Variants in ZNF710 observed in about 807,000 individuals in gnomAD.
ZNF710 encodes the protein zinc finger protein 710.
In ZNF710, 13 loss-of-function variants were observed where a neutral mutation model predicts 50.6. The ratio of observed to expected loss-of-function variants is 0.26; its 90% CI spans 0.17 to 0.41. ZNF710 has a LOEUF of 0.41. ZNF710 is among the 10% of genes least tolerant of loss of function. The pLI, the probability that ZNF710 is intolerant of heterozygous loss-of-function variation, is 1.00. For missense variants in ZNF710, 721 were observed against 936.6 expected (o/e 0.77, Z 3.01); for synonymous variants, 383 against 397.0 (o/e 0.96, Z 0.42).
At chr15:90,072,977 G>C in intron 2 of ZNF710, 94 bp from the exon 3 acceptor site, 1 of 1,314,990 alleles carries the variant, frequency 7.6e-7, no homozygotes. Flanking sequence ...CCTTTGTGAT[G>C]CTATGGCCCT....
intron 1 of ZNF710, among the ~76,000 whole-genome samples, chr15:90,033,057 A>G (rs1039516921): frequency 1.3e-5 from 2 of 152,224 alleles, no homozygotes; most frequent in African/African-American, 4.8e-5. Context: ...AGTATGGGCC[A>G]TGCACCAGTG....
At chr15:90,050,569 G>C (rs935637846) in intron 1 of ZNF710, among the ~76,000 whole-genome samples, 5 of 152,212 alleles carry the variant, frequency 3.3e-5, no homozygotes, top group African/African-American at 9.6e-5. Context: ...TTTGTCTAAC[G>C]GGCTCAGTTA....
chr15:90,034,635 A>AC lies in ZNF710; in HGVS notation c.-28-32472dup, dbSNP rs1299675032. ...CTGAGCCTCCTCCGGCCTCTGCCTC[A>AC]CCCGCCAGCTCTTCTCACCCCTTCT... On this transcript the variant is annotated intron_variant, in intron 1 of 4. Coordinates refer to ENST00000268154, the MANE Select transcript of ZNF710 (RefSeq NM_198526.4). The surrounding 1 kb of genome is among the most constrained non-coding windows in gnomAD (Gnocchi z 4.0). 6.6e-6 allele frequency among the ~76,000 whole-genome samples: 1 copy of AC among 151,508 alleles called. No individual in the cohort carries two copies.
In ZNF710 at chr15:90,001,376, T is replaced by G. The variant is rs1320540455; in HGVS notation, c.-267T>G. ...GTTTTGCATCCCTTCACGTCAGCCC[T>G]GCCTCATTCCCTTCTTCCAGGGAGG... On this transcript the variant is annotated 5_prime_UTR_variant, in exon 1 of 5. Transcript: ENST00000268154. The G allele has an allele frequency of 1.3e-5, 2 of 152,084 alleles. No homozygotes were observed. The highest frequency in any genetic ancestry group is 4.8e-5 in the African/African-American group (2 of 41,410). The allele number at this position is 152,084 out of a possible 1,614,324, so 9.4% of individuals were successfully genotyped here. A position where few individuals can be genotyped will look rare whatever the true frequency, so the allele number is the denominator to read the frequency against.
intron 1 of ZNF710, chr15:90,006,904 C>T (rs574724000): frequency 3.9e-5 from 6 of 154,882 alleles, no homozygotes; most frequent in African/African-American, 1.2e-4. Flanking sequence ...TTGCTGGGAG[C>T]TCATTGGGTG....
At chr15:90,035,394 G>A (rs1899090621) in intron 1 of ZNF710, among the ~76,000 whole-genome samples, 1 of 152,236 alleles carries the variant, frequency 6.6e-6, no homozygotes, top group Admixed American at 6.5e-5. Context: ...GGACAGGTTT[G>A]CACAGTTGCC....
rs1465734704 is a variant in ZNF710 at position 90,026,266 on chromosome 15, CAACA to C, written c.-29+24655_-29+24658del. ...AAAAAAAACAAAACAACAACAACAA[CAACA>C]AAAAAAAAAAAGGGAATGAGAAAGG... On this transcript the variant is annotated intron_variant, in intron 1 of 4. Coordinates refer to ENST00000268154, the MANE Select transcript of ZNF710 (RefSeq NM_198526.4). 1.2e-4 allele frequency among the ~76,000 whole-genome samples: 14 copies of C among 114,618 alleles called. No homozygotes were observed. The South Asian group carries it at 4.1e-3, about 34-fold the overall frequency. The allele number at this position is 114,618 out of a possible 152,430, so 75.2% of individuals were successfully genotyped here.
Position 90,067,884 on chromosome 15 carries a change from G to A in ZNF710, c.747G>A (p.Gln249=), listed in dbSNP as rs201010009. The A allele has an allele frequency of 1.9e-6, 3 of 1,610,640 alleles. No individual in the cohort carries two copies. The highest frequency in any genetic ancestry group is 1.7e-5 in the Admixed American group (1 of 59,982). Residue 249 remains glutamine (Q), a synonymous_variant, in exon 2 of 5, where the codon CAG becomes CAA. Coordinates refer to ENST00000268154, the MANE Select transcript of ZNF710 (RefSeq NM_198526.4). The surrounding 1 kb of genome is among the most constrained non-coding windows in gnomAD (Gnocchi z 8.1). Reference sequence around the variant, plus strand: ...AGCCGGAACAGGGCTTCGTGTGGCAGGAGGCCAGTGAGTTCGAGGCTGACA... The same window carrying A: ...AGCCGGAACAGGGCTTCGTGTGGCAAGAGGCCAGTGAGTTCGAGGCTGACA... ...PVKPEQGFVW[Q]EASEFEADTA...
chr15:90,026,244 A>C (rs1437742130), intron 1 of ZNF710, among the ~76,000 whole-genome samples: 2 of 146,172 alleles, frequency 1.4e-5, no homozygotes, highest in African/African-American at 5.3e-5. Flanking sequence ...AAATGAGAAA[A>C]AAAACAAAAC....
chr15:89,998,360 A>G (rs1171559992), upstream of ZNF710, among the ~76,000 whole-genome samples: 1 of 151,946 alleles, frequency 6.6e-6, no homozygotes, highest in African/African-American at 2.4e-5. Context: ...CCTGATTCCT[A>G]TTTGTTCCTC....
At chr15:90,029,735 C>T (rs1898878145) in intron 1 of ZNF710, among the ~76,000 whole-genome samples, 1 of 152,090 alleles carries the variant, frequency 6.6e-6, no homozygotes, top group Non-Finnish European at 1.5e-5. Flanking sequence ...CTGCCTCAGC[C>T]TCCCGAGTAG....
intron 1 of ZNF710, among the ~76,000 whole-genome samples, chr15:90,017,394 A>G (rs1033319982): frequency 2.6e-5 from 4 of 152,218 alleles, no homozygotes; most frequent in African/African-American, 7.2e-5. Flanking sequence ...TTTACAGGCT[A>G]TAGCTTCACC....
chr15:90,077,399 A>T (rs1900619057), intron 4 of ZNF710, among the ~76,000 whole-genome samples: 2 of 151,658 alleles, frequency 1.3e-5, no homozygotes, highest in South Asian at 2.1e-4. Context: ...GCCTGCCACC[A>T]CGCCCGGCTA....
chr15:90,000,113 T>A (rs1342897223), upstream of ZNF710, among the ~76,000 whole-genome samples: 1 of 151,730 alleles, frequency 6.6e-6, no homozygotes, highest in Non-Finnish European at 1.5e-5. Context: ...CAATACTTAC[T>A]TGGGAAAATG....
intron 1 of ZNF710, among the ~76,000 whole-genome samples, chr15:90,030,591 C>A (rs116964652): frequency 1.2e-3 from 184 of 152,136 alleles, no homozygotes; most frequent in Non-Finnish European, 2.2e-3. Context: ...TGTGTGTTAA[C>A]CAGTGGGGGA....
intron 1 of ZNF710, among the ~76,000 whole-genome samples, chr15:90,008,371 GTA>G (rs1398173512): frequency 1.8e-4 from 26 of 143,452 alleles, no homozygotes; most frequent in African/African-American, 3.4e-4. Flanking sequence ...GTACATATGT[GTA>G]TATATATGTA....
chr15:90,036,393 G>A (rs2151491027), intron 1 of ZNF710, among the ~76,000 whole-genome samples: 1 of 152,224 alleles, frequency 6.6e-6, no homozygotes, highest in African/African-American at 2.4e-5. Context: ...AGTGCTCCTT[G>A]GGTTTCCGAA....
chr15:90,000,297 C>G (rs28549175), upstream of ZNF710, among the ~76,000 whole-genome samples: 18,269 of 152,314 alleles, frequency 0.12, 2,479 homozygotes, highest in African/African-American at 0.33. Context: ...CCCTGCGTTG[C>G]AGTCGAGAAA....
rs375115133 is a variant in ZNF710 at position 90,067,359 on chromosome 15, G to T, written c.222G>T (p.Arg74Ser). ...TCTACCAGCTGGCCTGCAACGGGAG[G>T]GCCTTGGAGGAGCCGGCGGAGGAGG... Reference protein sequence around the residue: ...PDVYQLACNGRALEEPAEEEV... With the variant: ...PDVYQLACNGSALEEPAEEEV... The change falls in exon 2 of 5, where the codon AGG (arginine) becomes AGT (serine). Residue 74 changes from arginine (R) to serine (S), a missense_variant. Transcript: ENST00000268154. The surrounding 1 kb of genome is among the most constrained non-coding windows in gnomAD (Gnocchi z 8.1). 6.3e-7 allele frequency: 1 copy of T among 1,599,006 alleles called. No individual in the cohort carries two copies. Among genetic ancestry groups the T allele is most frequent in the Non-Finnish European group, 8.5e-7 (1 of 1,172,760 alleles).
Sources: allele counts gnomAD v4.1 joint callset (sites outside exome capture counted in the v4.1 genomes callset), GRCh38; gene constraint gnomAD v4.1.1; non-coding constraint Gnocchi (gnomAD v3.1); transcripts MANE v1.5; gene names NCBI Gene and HGNC (gene_info 2026-07-23, HGNC 2026-07-21).